CADPS2: variants seen among roughly 807,000 people sequenced by gnomAD.
The protein encoded by CADPS2 is calcium-dependent secretion activator 2.
CADPS2 carries 93 observed loss-of-function variants against 172.5 expected under a neutral mutation model. The ratio of observed to expected loss-of-function variants is 0.54; its 90% CI spans 0.46 to 0.64. The LOEUF is 0.64. Ranked by LOEUF, CADPS2 falls within the 30% of genes least tolerant of loss-of-function variation. The pLI, the probability that CADPS2 is intolerant of heterozygous loss-of-function variation, is 0.00. For missense variants in CADPS2, 1,420 were observed against 1,565.9 expected (o/e 0.91, Z 1.57); for synonymous variants, 546 against 555.2 (o/e 0.98, Z 0.23).
chr7:122,886,177 GC>G lies in CADPS2; in HGVS notation c.160del (p.Ala54ProfsTer4). 2 of 1,479,572 alleles carry G rather than the reference GC, an allele frequency of 1.4e-6. No individual in the cohort carries two copies. The highest frequency in any genetic ancestry group is 8.9e-7 in the Non-Finnish European group (1 of 1,123,480). 91.7% of individuals were successfully genotyped at this position (1,479,572 alleles called of 1,614,324 possible). ...APGRAGGGGA[A>X]RSVSPSPSVL... The stretch of plus-strand genomic sequence containing the variant: ...AGAGGGGCTCGGGCTCACAGATCTG[GC>G]CGCGCCGCCGCCGCCCGCGCGCCCC... On this transcript the variant is annotated frameshift_variant, in exon 1 of 30. Transcript: ENST00000449022. LOFTEE classifies it high-confidence loss of function.
intron 2 of CADPS2, among the ~76,000 whole-genome samples, chr7:122,700,797 G>C (rs1248010245): frequency 6.6e-6 from 1 of 152,100 alleles, no homozygotes; most frequent in African/African-American, 2.4e-5. Context: ...TGCTACCATA[G>C]CTGAGTCACT....
intron 25 of CADPS2, among the ~76,000 whole-genome samples, chr7:122,367,539 G>GTT (rs202155427): frequency 0.016 from 1,632 of 100,346 alleles, 58 homozygotes; most frequent in African/African-American, 0.022. Flanking sequence ...CCTTCCCCCA[G>GTT]TTTTTTTTTT....
At chr7:122,884,730 A>G (rs914603123) in intron 1 of CADPS2, among the ~76,000 whole-genome samples, 3 of 152,242 alleles carry the variant, frequency 2.0e-5, no homozygotes, top group African/African-American at 7.2e-5. Context: ...AGTGTTAACT[A>G]TAGGTGTGTA....
intron 15 of CADPS2, among the ~76,000 whole-genome samples, chr7:122,442,499 T>C (rs894982584): frequency 1.3e-5 from 2 of 152,190 alleles, no homozygotes; most frequent in Admixed American, 6.5e-5. Flanking sequence ...AAGAAGTTTA[T>C]GTATCTCCAT....
intron 7 of CADPS2, among the ~76,000 whole-genome samples, chr7:122,563,468 C>A (rs2066007419): frequency 6.6e-6 from 1 of 152,138 alleles, no homozygotes; most frequent in African/African-American, 2.4e-5. Context: ...GTTATGTAAA[C>A]TTGGCACTGA....
intron 9 of CADPS2, among the ~76,000 whole-genome samples, chr7:122,507,890 G>C (rs2059725740): frequency 6.6e-6 from 1 of 152,070 alleles, no homozygotes; most frequent in Admixed American, 6.6e-5. Context: ...GGAAAAAAGA[G>C]GGATCAAACA....
intron 7 of CADPS2, among the ~76,000 whole-genome samples, chr7:122,579,853 G>T (rs1196331331): frequency 1.3e-5 from 2 of 151,992 alleles, no homozygotes; most frequent in African/African-American, 4.8e-5. Flanking sequence ...AATGGAAGAG[G>T]AAATCTGGAT....
rs367569835 is a variant in CADPS2 at position 122,702,254 on chromosome 7, G to A, written c.453+34701C>T. The A allele has an allele frequency of 1.6e-4, 265 of 1,613,710 alleles. No homozygotes were observed. The highest frequency in any genetic ancestry group is 3.3e-4 in the Middle Eastern group (2 of 6,060). ...TGTCACATAGACTCCTTTCTGAATCGAGTGCAAAATTTCCATGCCTTTCAG... is the reference window on the plus strand; with the variant it reads ...TGTCACATAGACTCCTTTCTGAATCAAGTGCAAAATTTCCATGCCTTTCAG... On this transcript the variant is annotated intron_variant, in intron 2 of 29. Coordinates refer to ENST00000449022, the MANE Select transcript of CADPS2 (RefSeq NM_017954.11).
intron 7 of CADPS2, among the ~76,000 whole-genome samples, chr7:122,557,244 G>A (rs1437088326): frequency 6.6e-6 from 1 of 152,180 alleles, no homozygotes; most frequent in Non-Finnish European, 1.5e-5. Flanking sequence ...ATCCAATTTC[G>A]CCATGAATGA....
chr7:122,410,817 C>T (rs1037450740), intron 19 of CADPS2, among the ~76,000 whole-genome samples: 1 of 152,148 alleles, frequency 6.6e-6, no homozygotes, highest in Non-Finnish European at 1.5e-5. Context: ...TAATGTCCAA[C>T]ACAAATTAAA....
intron 9 of CADPS2, among the ~76,000 whole-genome samples, chr7:122,508,449 G>GTTTTTTTTTTTTTTTTTTTTT (rs1205155217): frequency 1.9e-4 from 13 of 68,432 alleles, no homozygotes; most frequent in Non-Finnish European, 3.0e-4. Flanking sequence ...ATTCATTTAA[G>GTTTTTTTTTTTTTTTTTTTTT]TTTTTTTTTT....
intron 3 of CADPS2, among the ~76,000 whole-genome samples, chr7:122,646,408 C>T (rs1396967230): frequency 1.3e-5 from 2 of 152,036 alleles, no homozygotes; most frequent in South Asian, 4.1e-4. Context: ...AAACTGTAAG[C>T]TCTTCATACA....
At chr7:122,787,088 G>A (rs1794218241) in intron 1 of CADPS2, among the ~76,000 whole-genome samples, 1 of 152,086 alleles carries the variant, frequency 6.6e-6, no homozygotes, top group South Asian at 2.1e-4. Flanking sequence ...ATATTATCTA[G>A]AGAAGCCACT....
intron 1 of CADPS2, among the ~76,000 whole-genome samples, chr7:122,769,107 G>T (rs115883651): frequency 8.9e-4 from 136 of 152,294 alleles, no homozygotes; most frequent in African/African-American, 2.9e-3. Flanking sequence ...AAGTGAGTAA[G>T]ACAACTGTAA....
At chr7:122,809,245 A>G (rs1389791828) in intron 1 of CADPS2, among the ~76,000 whole-genome samples, 2 of 152,108 alleles carry the variant, frequency 1.3e-5, no homozygotes, top group Non-Finnish European at 2.9e-5. Context: ...CAGCTTTGTG[A>G]TATGGTATCT....
chr7:122,753,055 ATCAAAGTTAT>A (rs1184765364), intron 1 of CADPS2, among the ~76,000 whole-genome samples: 2 of 152,180 alleles, frequency 1.3e-5, no homozygotes, highest in African/African-American at 2.4e-5. Flanking sequence ...CTGGCAGTAG[ATCAAAGTTAT>A]TCAATGGCCC....
intron 25 of CADPS2, chr7:122,378,818 T>C (rs2042652367): frequency 6.6e-6 from 1 of 152,470 alleles, no homozygotes; most frequent in Admixed American, 6.5e-5. Context: ...AGAGGGAATC[T>C]AAATCATCTA....
chr7:122,553,770 G>C (rs1468730475), intron 8 of CADPS2, among the ~76,000 whole-genome samples: 1 of 152,126 alleles, frequency 6.6e-6, no homozygotes, highest in Non-Finnish European at 1.5e-5. Flanking sequence ...TACTAACTCA[G>C]GGTAAGCCAC....
At position 122,790,835 on chromosome 7, in the gene CADPS2, T is replaced by C. The variant is rs181320403; in HGVS notation, c.340-53767A>G. The stretch of plus-strand genomic sequence containing the variant: ...TTCACAGTCATAAAATCCAAGCTGC[T>C]GTACAGCCAAGCTCTCCCAAGAGCC... On this transcript the variant is annotated intron_variant, in intron 1 of 29. Coordinates refer to ENST00000449022, the MANE Select transcript of CADPS2 (RefSeq NM_017954.11). Among the ~76,000 whole-genome samples, 33 of 152,324 alleles carry C rather than the reference T, an allele frequency of 2.2e-4. No individual in the cohort carries two copies. In the East Asian group the frequency reaches 5.8e-3, roughly 27 times the overall value.
Sources: allele counts gnomAD v4.1 joint callset (sites outside exome capture counted in the v4.1 genomes callset), GRCh38; gene constraint gnomAD v4.1.1; transcripts MANE v1.5; gene names NCBI Gene and HGNC (gene_info 2026-07-23, HGNC 2026-07-21).